Variants in SLX4IP observed in about 807,000 individuals in gnomAD.
The protein encoded by SLX4IP is protein SLX4IP.
Under a neutral mutation model 32.9 loss-of-function variants are expected in SLX4IP, and 34 were observed. That is an observed-to-expected ratio of 1.03 (90% CI 0.79 to 1.38). SLX4IP has a LOEUF of 1.38. Ranked by LOEUF, SLX4IP falls within the 40% of genes most tolerant of loss-of-function variation. SLX4IP has a pLI of 0.00. For synonymous variants in SLX4IP, 172 were observed against 171.7 expected (o/e 1.00, Z -0.01); for missense variants, 444 against 479.0 (o/e 0.93, Z 0.68).
intron 1 of SLX4IP, among the ~76,000 whole-genome samples, chr20:10,456,503 A>G (rs1365702881): frequency 6.6e-6 from 1 of 151,956 alleles, no homozygotes; most frequent in Non-Finnish European, 1.5e-5. Context: ...CACCATGCCC[A>G]GCTAATTTTT....
At chr20:10,478,808 T>C (rs1466375135) in intron 2 of SLX4IP, among the ~76,000 whole-genome samples, 1 of 152,200 alleles carries the variant, frequency 6.6e-6, no homozygotes, top group Non-Finnish European at 1.5e-5. Context: ...AAAAGCTTAA[T>C]GAATCTGACC....
intron 2 of SLX4IP, among the ~76,000 whole-genome samples, chr20:10,536,835 T>C (rs909130772): frequency 1.3e-5 from 2 of 152,232 alleles, no homozygotes; most frequent in African/African-American, 4.8e-5. Context: ...CTAATCTTAT[T>C]TACAGTTTTG....
chr20:10,612,807 G>A (rs8115695), intron 6 of SLX4IP: 11 of 152,846 alleles, frequency 7.2e-5, no homozygotes, highest in East Asian at 1.9e-4. Flanking sequence ...CCCAAAGTGC[G>A]GGGATTACAG....
At chr20:10,456,260 C>G (rs6077804) in intron 1 of SLX4IP, among the ~76,000 whole-genome samples, 71,968 of 152,066 alleles carry the variant, frequency 0.47, 18,951 homozygotes, top group Non-Finnish European at 0.6. Context: ...TGGTCCTAAG[C>G]ATTTCTGATA....
At chr20:10,528,958 C>T (rs1455510347) in intron 2 of SLX4IP, among the ~76,000 whole-genome samples, 1 of 152,224 alleles carries the variant, frequency 6.6e-6, no homozygotes, top group African/African-American at 2.4e-5. Context: ...ATGCACGTGA[C>T]TTAAACACAT....
intron 2 of SLX4IP, among the ~76,000 whole-genome samples, chr20:10,509,134 C>G (rs1365101418): frequency 6.6e-6 from 1 of 152,190 alleles, no homozygotes; most frequent in Non-Finnish European, 1.5e-5. Context: ...CAACGTCTGA[C>G]CTAGTGCCAG....
At chr20:10,465,799 C>T (rs1271192896) in intron 2 of SLX4IP, among the ~76,000 whole-genome samples, 1 of 152,252 alleles carries the variant, frequency 6.6e-6, no homozygotes, top group East Asian at 1.9e-4. Context: ...AGCCACTGTG[C>T]CCGGCCTACA....
intron 2 of SLX4IP, among the ~76,000 whole-genome samples, chr20:10,462,779 A>C (rs1444512388): frequency 2.0e-5 from 3 of 152,232 alleles, no homozygotes; most frequent in African/African-American, 7.2e-5. Context: ...TTTGCCTAGA[A>C]AGTGTAAGGG....
chr20:10,594,425 C>T (rs945342766), intron 4 of SLX4IP, among the ~76,000 whole-genome samples: 9 of 152,146 alleles, frequency 5.9e-5, no homozygotes, highest in Admixed American at 3.9e-4. Flanking sequence ...TTCCCAGGCT[C>T]GTCCATGAAT....
In SLX4IP at chr20:10,600,051, TA is replaced by T. The variant is rs769153848; in HGVS notation, c.316+1300del. Among the ~76,000 whole-genome samples, 500 of 151,218 alleles carry T rather than the reference TA, an allele frequency of 3.3e-3. 4 individuals carry two copies. Among genetic ancestry groups the T allele is most frequent in the East Asian group, 0.025 (127 of 5,158 alleles). ...TTGTATTTCAATTTTATGATTTTTTTAGGGGGGGGAGGTGGAAAAATAATGA... is the reference window on the plus strand; with the variant it reads ...TTGTATTTCAATTTTATGATTTTTTTGGGGGGGGAGGTGGAAAAATAATGA... On this transcript the variant is annotated intron_variant, in intron 5 of 7. Transcript: ENST00000334534.
At chr20:10,540,320 T>C (rs2066093610) in intron 2 of SLX4IP, among the ~76,000 whole-genome samples, 1 of 152,048 alleles carries the variant, frequency 6.6e-6, no homozygotes, top group Admixed American at 6.6e-5. Flanking sequence ...TGAGAAACAC[T>C]GTGTCAGGCA....
chr20:10,610,561 TG>T (rs1568770808), intron 6 of SLX4IP, among the ~76,000 whole-genome samples: 1 of 152,212 alleles, frequency 6.6e-6, no homozygotes, highest in East Asian at 1.9e-4. Context: ...AAGTCTGAAA[TG>T]GGGAAGGTCA....
chr20:10,466,872 C>T (rs2065385157), intron 2 of SLX4IP, among the ~76,000 whole-genome samples: 1 of 150,824 alleles, frequency 6.6e-6, no homozygotes, highest in Non-Finnish European at 1.5e-5. Flanking sequence ...AAAAAGAACT[C>T]CCTGCATCTT....
At chr20:10,615,200 C>G (rs914467088) in intron 6 of SLX4IP, among the ~76,000 whole-genome samples, 1 of 152,230 alleles carries the variant, frequency 6.6e-6, no homozygotes, top group African/African-American at 2.4e-5. Context: ...GCACTTCTCC[C>G]TTGACCCCAT....
chr20:10,543,468 T>C (rs2066130376), intron 2 of SLX4IP, among the ~76,000 whole-genome samples: 1 of 152,136 alleles, frequency 6.6e-6, no homozygotes. Flanking sequence ...CTGCCCAGTG[T>C]CTGAAACCTT....
At chr20:10,608,154 G>T (rs1171130378) in intron 6 of SLX4IP, among the ~76,000 whole-genome samples, 2 of 152,162 alleles carry the variant, frequency 1.3e-5, no homozygotes, top group Non-Finnish European at 2.9e-5. Context: ...TAGGAAAAAC[G>T]TGGTGGGGAA....
intron 2 of SLX4IP, among the ~76,000 whole-genome samples, chr20:10,544,885 C>T (rs2066146584): frequency 6.6e-6 from 1 of 151,910 alleles, no homozygotes; most frequent in African/African-American, 2.4e-5. Context: ...AAAAAAAGTT[C>T]CTGTATTCTA....
At chr20:10,540,300 C>T (rs986873601) in intron 2 of SLX4IP, among the ~76,000 whole-genome samples, 9 of 151,934 alleles carry the variant, frequency 5.9e-5, no homozygotes, top group Admixed American at 3.3e-4. Flanking sequence ...ATCTGATGCT[C>T]GCCCAAGTTT....
Position 10,601,778 on chromosome 20 carries a change from G to T in SLX4IP, c.364G>T (p.Ala122Ser), listed in dbSNP as rs534913227. Residue 122 changes from alanine (A) to serine (S), a missense_variant, in exon 6 of 8, where the codon GCA becomes TCA. Coordinates refer to ENST00000334534, the MANE Select transcript of SLX4IP (RefSeq NM_001009608.3). ...ATTTGTGGTTTGTGTCAGTCAGCTT[G>T]CATTCAGTCGTGATCTTTTAGCAAG... ...DRFVVCVSQL[A>S]FSRDLLASQN... 4 of 1,614,028 alleles carry T rather than the reference G, an allele frequency of 2.5e-6. No individual in the cohort carries two copies. Among genetic ancestry groups the T allele is most frequent in the Non-Finnish European group, 3.4e-6 (4 of 1,179,934 alleles).
Sources: gnomAD v4.1 joint callset for allele counts (sites outside exome capture counted in the v4.1 genomes callset) on GRCh38, gnomAD v4.1.1 for gene constraint, MANE v1.5 for transcripts, NCBI Gene and HGNC (gene_info 2026-07-23, HGNC 2026-07-21) for gene names.